Variants in HSD17B6 observed in about 807,000 individuals in gnomAD.
HSD17B6 encodes the protein 17-beta-hydroxysteroid dehydrogenase type 6.
In HSD17B6, 16 loss-of-function variants were observed where a neutral mutation model predicts 26.4. The ratio of observed to expected loss-of-function variants is 0.61; its 90% CI spans 0.41 to 0.92. HSD17B6 has a LOEUF of 0.92. Ranked by LOEUF, HSD17B6 falls within the 40% of genes least tolerant of loss-of-function variation. The pLI is 0.00. For synonymous variants in HSD17B6, 139 were observed against 153.0 expected, an observed-to-expected ratio of 0.91 and a Z score of 0.68; for missense variants, 357 against 386.1, an observed-to-expected ratio of 0.92 and a Z score of 0.63.
chr12:56,781,879 A>T, intron 2 of HSD17B6, 95 bp from the exon 3 acceptor site: 1 of 1,318,840 alleles, frequency 7.6e-7, no homozygotes, highest in Non-Finnish European at 1.1e-6. Flanking sequence ...GTTAGTGGTT[A>T]TGATTCCTCA....
intron 1 of HSD17B6, among the ~76,000 whole-genome samples, chr12:56,768,253 C>G (rs1592356903): frequency 6.6e-6 from 1 of 151,848 alleles, no homozygotes; most frequent in African/African-American, 2.4e-5. Flanking sequence ...AGAGAGGAAG[C>G]CTTGGGAATT....
intron 2 of HSD17B6, among the ~76,000 whole-genome samples, chr12:56,780,863 A>C: frequency 6.6e-6 from 1 of 151,588 alleles, no homozygotes; most frequent in Non-Finnish European, 1.5e-5. Flanking sequence ...AAAAAAAAAA[A>C]ATTCTAAGTT....
At chr12:56,764,068 C>CAAAAAAAAAA (rs71081400) in intron 1 of HSD17B6, among the ~76,000 whole-genome samples, 7 of 74,340 alleles carry the variant, frequency 9.4e-5, no homozygotes, top group Admixed American at 1.9e-4. Context: ...GACCGTGTCT[C>CAAAAAAAAAA]AAAAAAAAAA....
intron 2 of HSD17B6, among the ~76,000 whole-genome samples, chr12:56,779,905 A>C (rs1327340686): frequency 6.6e-6 from 1 of 151,908 alleles, no homozygotes; most frequent in Non-Finnish European, 1.5e-5. Flanking sequence ...TGCTGGGGCA[A>C]AATCTTTTTT....
intron 1 of HSD17B6, among the ~76,000 whole-genome samples, chr12:56,771,157 G>A (rs1395535184): frequency 6.6e-6 from 1 of 152,094 alleles, no homozygotes; most frequent in African/African-American, 2.4e-5. Context: ...ACTTTCTTGG[G>A]GCTCTACTAC....
chr12:56,780,068 AGTT>A (rs1954681039), intron 2 of HSD17B6, among the ~76,000 whole-genome samples: 1 of 152,160 alleles, frequency 6.6e-6, no homozygotes, highest in South Asian at 2.1e-4. Flanking sequence ...TTGATAAGTC[AGTT>A]GTTAGCCTAA....
intron 3 of HSD17B6, among the ~76,000 whole-genome samples, chr12:56,784,334 G>A (rs1319189623): frequency 1.9e-4 from 29 of 152,222 alleles, no homozygotes; most frequent in Non-Finnish European, 3.7e-4. Context: ...GCGGCTGGGA[G>A]GTGGAGGTTG....
chr12:56,779,842 C>T (rs2137921044), intron 2 of HSD17B6, among the ~76,000 whole-genome samples: 1 of 138,626 alleles, frequency 7.2e-6, no homozygotes, highest in East Asian at 2.0e-4. Flanking sequence ...TTGAATTTTC[C>T]ATCTAAAATT....
At chr12:56,778,664 G>C (rs1420584543) in intron 2 of HSD17B6, among the ~76,000 whole-genome samples, 1 of 149,800 alleles carries the variant, frequency 6.7e-6, no homozygotes, top group Non-Finnish European at 1.5e-5. Context: ...TTTTACCTTG[G>C]AGTCTTTTTC....
At chr12:56,786,835 C>G (rs774300191) in intron 4 of HSD17B6, among the ~76,000 whole-genome samples, 2 of 152,004 alleles carry the variant, frequency 1.3e-5, no homozygotes, top group Non-Finnish European at 2.9e-5. Context: ...GGTGACAGAG[C>G]AAGACCCTGT....
At chr12:56,786,587 C>T (rs1022155628) in intron 4 of HSD17B6, among the ~76,000 whole-genome samples, 3 of 152,200 alleles carry the variant, frequency 2.0e-5, no homozygotes, top group Non-Finnish European at 1.5e-5. Context: ...TGGTGCCTCA[C>T]ACCTATAATT....
chr12:56,784,560 G>A (rs1445754719), intron 3 of HSD17B6, among the ~76,000 whole-genome samples: 4 of 152,158 alleles, frequency 2.6e-5, no homozygotes, highest in Admixed American at 6.5e-5. Context: ...GCCTGCAATC[G>A]CAGGCACTTG....
rs187750076 is a variant in HSD17B6 at position 56,779,435 on chromosome 12, G to C, written c.314-2539G>C. Among the ~76,000 whole-genome samples the C allele has an allele frequency of 1.1e-4, 16 of 152,216 alleles. No homozygotes were observed. The East Asian group carries it at 2.9e-3, about 28-fold the overall frequency. Reference sequence around the variant, plus strand: ...TTACAGGCATGAGCCACTGAGCCTGGCCTTAATTATTATGTTTGGATTTAT... The same window carrying C: ...TTACAGGCATGAGCCACTGAGCCTGCCCTTAATTATTATGTTTGGATTTAT... On this transcript the variant is annotated intron_variant, in intron 2 of 4. Coordinates refer to ENST00000322165, the MANE Select transcript of HSD17B6 (RefSeq NM_003725.4).
chr12:56,783,997 C>A (rs1485459136), intron 3 of HSD17B6, among the ~76,000 whole-genome samples: 1 of 149,986 alleles, frequency 6.7e-6, no homozygotes, highest in Admixed American at 6.6e-5. Context: ...ACCTCCCAGA[C>A]GGGGTCGCGG....
At chr12:56,768,873 A>G (rs1954404253) in intron 1 of HSD17B6, among the ~76,000 whole-genome samples, 1 of 152,016 alleles carries the variant, frequency 6.6e-6, no homozygotes, top group South Asian at 2.1e-4. Context: ...GCTAGAGAAC[A>G]TGGATGGTAA....
At chr12:56,782,681 A>G (rs893422602) in intron 3 of HSD17B6, among the ~76,000 whole-genome samples, 1 of 79,534 alleles carries the variant, frequency 1.3e-5, no homozygotes, top group East Asian at 3.3e-4. Context: ...TTTTTTTTTT[A>G]TTGATCATTC....
intron 1 of HSD17B6, among the ~76,000 whole-genome samples, chr12:56,766,347 G>T (rs1954328778): frequency 6.6e-6 from 1 of 151,868 alleles, no homozygotes; most frequent in Non-Finnish European, 1.5e-5. Flanking sequence ...GAGTAGTCTT[G>T]TTGGTATCTC....
chr12:56,783,699 C>T (rs1278069083), intron 3 of HSD17B6, among the ~76,000 whole-genome samples: 1 of 140,888 alleles, frequency 7.1e-6, no homozygotes, highest in African/African-American at 2.7e-5. Context: ...GCTGACCCCC[C>T]TCACCTCCCT....
chr12:56,776,222 G>T (rs1023087733), intron 2 of HSD17B6, among the ~76,000 whole-genome samples: 1 of 152,032 alleles, frequency 6.6e-6, no homozygotes, highest in Non-Finnish European at 1.5e-5. Context: ...CATCGCGCCC[G>T]GCTGGAATAA....
Sources: gnomAD v4.1 joint callset for allele counts (sites outside exome capture counted in the v4.1 genomes callset) on GRCh38, gnomAD v4.1.1 for gene constraint, MANE v1.5 for transcripts, NCBI Gene and HGNC (gene_info 2026-07-23, HGNC 2026-07-21) for gene names.